ITPR1: variants seen among roughly 807,000 people sequenced by gnomAD.
The protein encoded by ITPR1 is inositol 1,4,5-trisphosphate receptor type 1, also known as inositol 1,4,5-trisphosphate-gated calcium channel ITPR1.
In ITPR1, 96 loss-of-function variants were observed where a neutral mutation model predicts 318.4. That is an observed-to-expected ratio of 0.30 (90% CI 0.26 to 0.36). ITPR1 has a LOEUF of 0.36. Ranked by LOEUF, ITPR1 falls within the 10% of genes least tolerant of loss-of-function variation. ITPR1 has a pLI of 1.00. For synonymous variants in ITPR1, 1,312 were observed against 1,289.9 expected, an observed-to-expected ratio of 1.02 and a Z score of -0.37; for missense variants, 2,440 against 3,460.2, an observed-to-expected ratio of 0.71 and a Z score of 7.40.
At chr3:4,809,838 C>T (rs867586184) in intron 55 of ITPR1, among the ~76,000 whole-genome samples, 2 of 152,190 alleles carry the variant, frequency 1.3e-5, no homozygotes, top group African/African-American at 4.8e-5. Flanking sequence ...TTACTTGCCA[C>T]TTTATATTGA....
rs9311415 is a variant in ITPR1, at chr3:4,812,039, CTTT to C, written c.7468+594_7468+596del. ...AACTATAGTAGGATCACATGTATGT[CTTT>C]TTTTTTTTTTTTTTCGAGACAGGAT... On this transcript the variant is annotated intron_variant, in intron 56 of 61. Coordinates refer to ENST00000649015, the MANE Select transcript of ITPR1 (RefSeq NM_001378452.1). Among the ~76,000 whole-genome samples the C allele has an allele frequency of 4.9e-4, 68 of 137,878 alleles. 1 individual carries two copies. Among genetic ancestry groups the C allele is most frequent in the Non-Finnish European group, 4.8e-4 (31 of 64,092 alleles). The allele number at this position is 137,878 out of a possible 152,430, so 90.5% of individuals were successfully genotyped here. A position where few individuals can be genotyped will look rare whatever the true frequency, so the allele number is the denominator to read the frequency against.
At chr3:4,833,766 C>A (rs1575419992) in intron 60 of ITPR1, among the ~76,000 whole-genome samples, 1 of 152,352 alleles carries the variant, frequency 6.6e-6, no homozygotes, top group South Asian at 2.1e-4. Context: ...CAAGGGCTAA[C>A]CTTCTTTAGG....
chr3:4,794,380 C>T (rs896863369), intron 52 of ITPR1, among the ~76,000 whole-genome samples: 2 of 152,232 alleles, frequency 1.3e-5, no homozygotes, highest in Non-Finnish European at 2.9e-5. Context: ...CTCTCTGCCA[C>T]AGCCCTGGAG....
chr3:4,549,541 C>A (rs2124995145), intron 4 of ITPR1, among the ~76,000 whole-genome samples: 1 of 144,176 alleles, frequency 6.9e-6, no homozygotes, highest in African/African-American at 2.5e-5. Context: ...TTCCTCCTTT[C>A]CCCTTTTCTT....
chr3:4,592,006 C>G (rs577516815), intron 4 of ITPR1, among the ~76,000 whole-genome samples: 5 of 152,290 alleles, frequency 3.3e-5, no homozygotes, highest in African/African-American at 1.2e-4. Context: ...AGTCTTCCTG[C>G]TTTTGATCTT....
At chr3:4,628,206 G>A (rs1446770338) in intron 5 of ITPR1, among the ~76,000 whole-genome samples, 1 of 152,154 alleles carries the variant, frequency 6.6e-6, no homozygotes, top group Non-Finnish European at 1.5e-5. Flanking sequence ...GTGCTCTTGG[G>A]CACGTTATGT....
intron 12 of ITPR1, among the ~76,000 whole-genome samples, chr3:4,655,726 G>A (rs182556934): frequency 1.3e-4 from 20 of 152,250 alleles, no homozygotes; most frequent in South Asian, 4.1e-4. Flanking sequence ...GCTTTTTGGC[G>A]TCAGAGAGGC....
intron 24 of ITPR1, 47 bp from the exon 25 acceptor site, chr3:4,680,506 G>T (rs995532547): frequency 1.1e-5 from 18 of 1,579,184 alleles, no homozygotes; most frequent in African/African-American, 2.7e-5. Flanking sequence ...AGTCAAGATG[G>T]TATGTTAATG....
In ITPR1 at chr3:4,524,312, T is replaced by G. The variant is rs867658473; in HGVS notation, c.163+3218T>G. Reference sequence around the variant, plus strand: ...CAGCATACTTTGACGTTTTTTTTTTTTTTTTTTTTTTTTTTTAAATGAAGA... The same window carrying G: ...CAGCATACTTTGACGTTTTTTTTTTGTTTTTTTTTTTTTTTTAAATGAAGA... On this transcript the variant is annotated intron_variant, in intron 4 of 61. Coordinates refer to ENST00000649015, the MANE Select transcript of ITPR1 (RefSeq NM_001378452.1). Among the ~76,000 whole-genome samples the G allele has an allele frequency of 5.8e-3, 867 of 150,478 alleles. 11 individuals are homozygous for G. The highest frequency in any genetic ancestry group is 0.02 in the African/African-American group (836 of 41,122).
Position 4,639,488 on chromosome 3 carries a change from T to C in ITPR1, c.366+18T>C. The C allele has an allele frequency of 6.6e-7, 1 of 1,523,500 alleles. No homozygotes were observed. Among genetic ancestry groups the C allele is most frequent in the Non-Finnish European group, 9.0e-7 (1 of 1,115,334 alleles). 94.4% of individuals were successfully genotyped at this position (1,523,500 alleles called of 1,614,324 possible). On this transcript the variant is annotated intron_variant, in intron 6 of 61. Coordinates refer to ENST00000649015, the MANE Select transcript of ITPR1 (RefSeq NM_001378452.1). ...TGATCCAGGTAGGTCAAGGCAGCTCTTCCCTTCTGAAGCTGAAGCGTTACA... is the reference window on the plus strand; with the variant it reads ...TGATCCAGGTAGGTCAAGGCAGCTCCTCCCTTCTGAAGCTGAAGCGTTACA...
In ITPR1 at chr3:4,551,760, TGAA is replaced by T. The variant is rs199766775; in HGVS notation, c.163+30670_163+30672del. ...CTAAAGGCTTATTCTCTTATTCACATGAAGAATCTGAAATCAGAGAAGTCGGCT... is the reference window on the plus strand; with the variant it reads ...CTAAAGGCTTATTCTCTTATTCACATGAATCTGAAATCAGAGAAGTCGGCT... On this transcript the variant is annotated intron_variant, in intron 4 of 61. Transcript: ENST00000649015. 8.9e-3 allele frequency among the ~76,000 whole-genome samples: 1,353 copies of T among 152,336 alleles called. 14 individuals carry two copies. The highest frequency in any genetic ancestry group is 0.031 in the African/African-American group (1,292 of 41,568).
intron 46 of ITPR1, 21 bp downstream of exon 46, chr3:4,768,785 G>A (rs370543987): frequency 6.3e-7 from 1 of 1,595,724 alleles, no homozygotes; most frequent in Non-Finnish European, 8.6e-7. Context: ...GGGGGTGGGG[G>A]CGTGGAGGGA....
intron 44 of ITPR1, among the ~76,000 whole-genome samples, chr3:4,746,370 C>T (rs1393048173): frequency 6.6e-6 from 1 of 152,232 alleles, no homozygotes; most frequent in East Asian, 1.9e-4. Context: ...TCTCCACTCA[C>T]TCCCCTACGC....
intron 54 of ITPR1, among the ~76,000 whole-genome samples, chr3:4,805,734 G>A (rs1044106211): frequency 2.0e-5 from 3 of 152,192 alleles, no homozygotes; most frequent in East Asian, 1.9e-4. Flanking sequence ...CACAGGGTTC[G>A]TGGATTGAGG....
intron 31 of ITPR1, among the ~76,000 whole-genome samples, chr3:4,689,668 C>T (rs1026485519): frequency 2.0e-5 from 3 of 152,116 alleles, no homozygotes; most frequent in African/African-American, 7.2e-5. Context: ...TTAAAGCCAC[C>T]ACCTCACCCC....
At chr3:4,578,907 G>A (rs1345092425) in intron 4 of ITPR1, among the ~76,000 whole-genome samples, 2 of 152,194 alleles carry the variant, frequency 1.3e-5, no homozygotes, top group African/African-American at 2.4e-5. Flanking sequence ...GAGAGAGGGG[G>A]CCCCACAGGG....
intron 4 of ITPR1, among the ~76,000 whole-genome samples, chr3:4,564,801 C>A (rs4685764): frequency 0.7 from 105,990 of 151,930 alleles, 36,995 homozygotes; most frequent in Admixed American, 0.73. Flanking sequence ...TGAACTGTCT[C>A]AGACACTTTC....
In ITPR1 at chr3:4,652,207, T is replaced by G; in HGVS notation, c.940T>G (p.Leu314Val). ...CAAGCATCTGGCCACGGGGCATTAC[T>G]TGGCAGCAGAGGTAAGTAGCAGCTC... ...RFKHLATGHYLAAEVDPDFEE... is the reference protein window; with the variant it reads ...RFKHLATGHYVAAEVDPDFEE... The change falls in exon 11 of 62, where the codon TTG (leucine) becomes GTG (valine). Residue 314 changes from leucine (L) to valine (V), a missense_variant. This residue lies in a region of ITPR1 where 32 missense variants were observed against 62.7 expected (regional missense o/e 0.51). Transcript: ENST00000649015. 6.2e-7 allele frequency: 1 copy of G among 1,611,234 alleles called. No homozygotes were observed. The highest frequency in any genetic ancestry group is 1.3e-5 in the African/African-American group (1 of 75,026).
chr3:4,658,077 A>C (rs1482112766), intron 12 of ITPR1, 47 bp from the exon 13 acceptor site: 1 of 1,531,100 alleles, frequency 6.5e-7, no homozygotes, highest in Admixed American at 1.9e-5. Context: ...TAGAAAGTGA[A>C]GGCTTTGGCA....
Sources: allele counts gnomAD v4.1 joint callset (sites outside exome capture counted in the v4.1 genomes callset), GRCh38; gene constraint gnomAD v4.1.1; regional missense constraint gnomAD v4.1.1; transcripts MANE v1.5; gene names NCBI Gene and HGNC (gene_info 2026-07-23, HGNC 2026-07-21).